Variants in PTPN4 observed in about 807,000 individuals in gnomAD.
PTPN4 encodes tyrosine-protein phosphatase non-receptor type 4.
In PTPN4, 49 loss-of-function variants were observed where a neutral mutation model predicts 135.5. That is an observed-to-expected ratio of 0.36 (90% CI 0.29 to 0.46). The LOEUF is 0.46. Among genes scored for constraint, PTPN4 ranks in the 20% least tolerant of loss-of-function variants. The pLI, the probability that PTPN4 is intolerant of heterozygous loss-of-function variation, is 1.00. For missense variants in PTPN4, 860 were observed against 1,101.0 expected, an observed-to-expected ratio of 0.78 and a Z score of 3.10; for synonymous variants, 333 against 369.9, an observed-to-expected ratio of 0.90 and a Z score of 1.14.
chr2:119,968,894 A>G (rs967034620), intron 26 of PTPN4, among the ~76,000 whole-genome samples: 2 of 152,250 alleles, frequency 1.3e-5, no homozygotes, highest in Non-Finnish European at 2.9e-5. Context: ...AGCCAAAAGA[A>G]GAATCATGGA....
chr2:119,833,539 C>T (rs1677249128), intron 2 of PTPN4, among the ~76,000 whole-genome samples: 1 of 152,080 alleles, frequency 6.6e-6, no homozygotes, highest in Non-Finnish European at 1.5e-5. Flanking sequence ...GTCCTGCTAA[C>T]TCTTGTTAAT....
Position 119,809,872 on chromosome 2 carries a change from T to C in PTPN4, c.19T>C (p.Leu7=), listed in dbSNP as rs1295559149. The C allele has an allele frequency of 6.2e-7, 1 of 1,611,242 alleles. No homozygotes were observed. Among genetic ancestry groups the C allele is most frequent in the Middle Eastern group, 1.7e-4 (1 of 6,050 alleles). Residue 7 remains leucine, a synonymous_variant, in exon 2 of 27, where the codon TTG becomes CTG. Coordinates refer to ENST00000263708, the MANE Select transcript of PTPN4 (RefSeq NM_002830.4). The part of the protein sequence containing the change: MTSRFR[L]PAGRTYNVRA... ...GACAGTAATGACCTCACGTTTCCGA[T>C]TGCCTGCTGGCAGAACCTACAATGT...
intron 9 of PTPN4, among the ~76,000 whole-genome samples, chr2:119,896,928 G>GTCTTC (rs1678332703): frequency 2.6e-5 from 4 of 152,066 alleles, no homozygotes; most frequent in African/African-American, 9.6e-5. Flanking sequence ...TGGCTCGTAA[G>GTCTTC]TTTTGTTTTT....
chr2:119,833,374 G>T (rs750560124), intron 2 of PTPN4, among the ~76,000 whole-genome samples: 2 of 151,844 alleles, frequency 1.3e-5, no homozygotes, highest in Non-Finnish European at 2.9e-5. Context: ...TGGTGTATCT[G>T]CATGCCAATC....
chr2:119,894,775 T>C (rs1678292969), intron 9 of PTPN4, among the ~76,000 whole-genome samples: 1 of 152,190 alleles, frequency 6.6e-6, no homozygotes, highest in Middle Eastern at 3.2e-3. Flanking sequence ...CATACAGATG[T>C]AATAAACATT....
At chr2:119,905,721 A>C (rs2105018398) in intron 10 of PTPN4, among the ~76,000 whole-genome samples, 1 of 152,320 alleles carries the variant, frequency 6.6e-6, no homozygotes, top group South Asian at 2.1e-4. Flanking sequence ...AGGCCACAAA[A>C]CAAGTCTCAA....
intron 18 of PTPN4, 140 bp from the exon 19 acceptor site, chr2:119,951,833 T>C: frequency 1.5e-6 from 1 of 669,190 alleles, no homozygotes; most frequent in Middle Eastern, 4.7e-4. Flanking sequence ...TTCTACATTT[T>C]TTAAATAGAT....
chr2:119,893,982 A>G (rs1678281075), intron 9 of PTPN4, among the ~76,000 whole-genome samples: 1 of 151,956 alleles, frequency 6.6e-6, no homozygotes, highest in Admixed American at 6.5e-5. Flanking sequence ...AAGAGGAAAC[A>G]CCTATATAGC....
chr2:119,967,745 T>C (rs1335170929), intron 25 of PTPN4, 92 bp from the exon 26 acceptor site: 2 of 1,014,260 alleles, frequency 2.0e-6, no homozygotes, highest in South Asian at 2.7e-5. Flanking sequence ...GATATTGTTC[T>C]TCTGTGTTAT....
At chr2:119,776,399 C>T (rs1558722005) in intron 1 of PTPN4, among the ~76,000 whole-genome samples, 1 of 152,202 alleles carries the variant, frequency 6.6e-6, no homozygotes, top group African/African-American at 2.4e-5. Context: ...TGGTCTCAAT[C>T]TCCTGACCTT....
intron 1 of PTPN4, among the ~76,000 whole-genome samples, chr2:119,796,546 A>C (rs1225285765): frequency 6.6e-6 from 1 of 152,046 alleles, no homozygotes; most frequent in Non-Finnish European, 1.5e-5. Flanking sequence ...GTTCTGTTTT[A>C]TTACTTGTAT....
In PTPN4 at chr2:119,981,988, A is replaced by G. The variant is rs1358730351; in HGVS notation, c.*4918A>G. 3 of 152,210 alleles carry G rather than the reference A, an allele frequency of 2.0e-5. No individual in the cohort carries two copies. The highest frequency in any genetic ancestry group is 4.8e-5 in the African/African-American group (2 of 41,470). The allele number at this position is 152,210 out of a possible 1,614,324, so 9.4% of individuals were successfully genotyped here. A position where few individuals can be genotyped will look rare whatever the true frequency, so the allele number is the denominator to read the frequency against. On this transcript the variant is annotated 3_prime_UTR_variant, in exon 27 of 27. Transcript: ENST00000263708. Reference sequence around the variant, plus strand: ...AGTAATATCTGCTAGGGTGCAATCCATCAGCATTGGTTCAGTGCATATACA... The same window carrying G: ...AGTAATATCTGCTAGGGTGCAATCCGTCAGCATTGGTTCAGTGCATATACA...
intron 1 of PTPN4, among the ~76,000 whole-genome samples, chr2:119,779,521 G>T (rs112092079): frequency 0.023 from 3,513 of 151,874 alleles, 128 homozygotes; most frequent in African/African-American, 0.077. Flanking sequence ...GGAGGCTGGG[G>T]TAGGAGAATG....
intron 2 of PTPN4, among the ~76,000 whole-genome samples, chr2:119,838,151 C>G (rs1677324276): frequency 6.6e-6 from 1 of 151,804 alleles, no homozygotes; most frequent in Admixed American, 6.6e-5. Context: ...CTTTTTTTTC[C>G]TTTTTATATC....
intron 2 of PTPN4, among the ~76,000 whole-genome samples, chr2:119,842,816 A>G (rs946551575): frequency 6.6e-6 from 1 of 152,146 alleles, no homozygotes; most frequent in African/African-American, 2.4e-5. Flanking sequence ...GGTACCATCT[A>G]CAGATCTTTT....
At chr2:119,835,046 A>G (rs1318345613) in intron 2 of PTPN4, among the ~76,000 whole-genome samples, 2 of 152,106 alleles carry the variant, frequency 1.3e-5, no homozygotes, top group East Asian at 3.9e-4. Flanking sequence ...GGAGTACTGT[A>G]TTGTTTGGTT....
At chr2:119,924,254 C>CT (rs201398761) in intron 12 of PTPN4, among the ~76,000 whole-genome samples, 2,445 of 150,788 alleles carry the variant, frequency 0.016, 68 homozygotes, top group African/African-American at 0.056. Flanking sequence ...ATCTTTTTTC[C>CT]TTTTTTTTAA....
chr2:119,799,758 G>C (rs550026805), intron 1 of PTPN4, among the ~76,000 whole-genome samples: 1 of 152,308 alleles, frequency 6.6e-6, no homozygotes, highest in South Asian at 2.1e-4. Flanking sequence ...AGACGTTAAA[G>C]CTGACTAGGT....
chr2:119,951,981 C>T lies in PTPN4; in HGVS notation c.1665C>T (p.Leu555=), dbSNP rs764723878. Residue 555 remains leucine, a synonymous_variant, in exon 19 of 27, where the codon CTC becomes CTT. Transcript: ENST00000263708. Reference sequence around the variant, plus strand: ...TCTATATTATATTACAGGCTGACCTCTGTGTCCCTAGACTGAATGAAGGGG... The same window carrying T: ...TCTATATTATATTACAGGCTGACCTTTGTGTCCCTAGACTGAATGAAGGGG... The part of the protein sequence containing the change: ...SRVAPGTPAD[L]CVPRLNEGDQ... 2 of 1,609,470 alleles carry T rather than the reference C, an allele frequency of 1.2e-6. No homozygotes were observed. Among genetic ancestry groups the T allele is most frequent in the African/African-American group, 2.7e-5 (2 of 74,828 alleles).
Sources: allele counts gnomAD v4.1 joint callset (sites outside exome capture counted in the v4.1 genomes callset), GRCh38; gene constraint gnomAD v4.1.1; transcripts MANE v1.5; gene names NCBI Gene and HGNC (gene_info 2026-07-23, HGNC 2026-07-21).